GRM1: variants seen among roughly 807,000 people sequenced by gnomAD.
GRM1 encodes the protein metabotropic glutamate receptor 1.
In GRM1, 33 loss-of-function variants were observed where a neutral mutation model predicts 90.9. The observed-to-expected ratio is 0.36, with a 90% CI of 0.28 to 0.49. The LOEUF (loss-of-function observed/expected upper bound fraction) is 0.49, where lower values mean the gene tolerates loss of function less well. GRM1 is among the 20% of genes least tolerant of loss of function. The pLI is 0.99. For missense variants in GRM1, 1,190 were observed against 1,534.3 expected, an observed-to-expected ratio of 0.78 and a Z score of 3.75; for synonymous variants, 700 against 613.2, an observed-to-expected ratio of 1.14 and a Z score of -2.09.
chr6:146,270,896 TCTTTCTTTCTTTCTTTCTTCCTTC>T (rs1214955774), intron 2 of GRM1, among the ~76,000 whole-genome samples: 88 of 113,714 alleles, frequency 7.7e-4, no homozygotes, highest in Non-Finnish European at 1.2e-3. Context: ...TTTCTTTCTT[TCTTTCTTTCTTTCTTTCTTCCTTC>T]CTTCCTTCCT....
intron 2 of GRM1, among the ~76,000 whole-genome samples, chr6:146,233,566 T>C (rs530048535): frequency 2.6e-4 from 39 of 152,158 alleles, no homozygotes; most frequent in Non-Finnish European, 4.9e-4. Context: ...TCATGAGTTA[T>C]TTAAAAGGGT....
chr6:146,164,350 C>T (rs1777837105), intron 2 of GRM1, among the ~76,000 whole-genome samples: 1 of 152,042 alleles, frequency 6.6e-6, no homozygotes, highest in African/African-American at 2.4e-5. Context: ...GAATTGTAAC[C>T]TCCTCAACTG....
intron 3 of GRM1, among the ~76,000 whole-genome samples, chr6:146,326,429 G>A (rs1166474752): frequency 6.6e-6 from 1 of 152,074 alleles, no homozygotes; most frequent in Non-Finnish European, 1.5e-5. Context: ...ACACACACTG[G>A]GAACTTTTGA....
chr6:146,144,638 G>A (rs1288040133), intron 1 of GRM1, among the ~76,000 whole-genome samples: 1 of 152,174 alleles, frequency 6.6e-6, no homozygotes, highest in East Asian at 1.9e-4. Flanking sequence ...CAGAAAATTG[G>A]CACCAGGAGT....
intron 2 of GRM1, among the ~76,000 whole-genome samples, chr6:146,251,678 A>G (rs1018929908): frequency 8.5e-5 from 13 of 152,172 alleles, no homozygotes; most frequent in African/African-American, 2.9e-4. Context: ...CGCACGGATA[A>G]GGGCAGATTT....
rs575000542 is a variant in GRM1 at position 146,264,592 on chromosome 6, A to G, written c.951-40019A>G. On this transcript the variant is annotated intron_variant, in intron 2 of 7. Transcript: ENST00000282753. ...ATGTGTAGGTTTGTTACATGAACAT[A>G]TTGCATAATGGTGAGATTTGGACTT... Among the ~76,000 whole-genome samples, 12 of 151,998 alleles carry G rather than the reference A, an allele frequency of 7.9e-5. No individual in the cohort carries two copies. The East Asian group carries it at 2.3e-3, about 29-fold the overall frequency.
chr6:146,262,631 G>A (rs1781743752), intron 2 of GRM1, among the ~76,000 whole-genome samples: 1 of 151,726 alleles, frequency 6.6e-6, no homozygotes, highest in Non-Finnish European at 1.5e-5. Flanking sequence ...TATTTTCTCT[G>A]TGTATGTGTA....
intron 7 of GRM1, among the ~76,000 whole-genome samples, chr6:146,408,161 A>C (rs184609224): frequency 3.3e-4 from 50 of 152,172 alleles, no homozygotes; most frequent in Non-Finnish European, 6.9e-4. Context: ...CAGAGGAGGG[A>C]GGAAGCAAGC....
intron 2 of GRM1, among the ~76,000 whole-genome samples, chr6:146,287,261 C>A (rs1301217128): frequency 6.6e-6 from 1 of 152,150 alleles, no homozygotes; most frequent in African/African-American, 2.4e-5. Flanking sequence ...GGCAACCTTC[C>A]TGTCTTATTC....
intron 5 of GRM1, among the ~76,000 whole-genome samples, chr6:146,381,179 G>C (rs944056309): frequency 2.0e-5 from 3 of 152,168 alleles, no homozygotes; most frequent in Admixed American, 2.0e-4. Flanking sequence ...TCTGGGCCTA[G>C]TTCAGCCCTA....
intron 7 of GRM1, among the ~76,000 whole-genome samples, chr6:146,422,760 G>T (rs1208455752): frequency 6.6e-6 from 1 of 152,120 alleles, no homozygotes; most frequent in East Asian, 1.9e-4. Flanking sequence ...AAATATTAAA[G>T]CAAAGTCATA....
chr6:146,246,886 T>C (rs377371071), intron 2 of GRM1, among the ~76,000 whole-genome samples: 3 of 152,330 alleles, frequency 2.0e-5, no homozygotes, highest in Admixed American at 2.0e-4. Flanking sequence ...ATATACATTG[T>C]AGTTTGATGA....
chr6:146,095,699 G>A (rs1461539067), intron 1 of GRM1, among the ~76,000 whole-genome samples: 2 of 152,066 alleles, frequency 1.3e-5, no homozygotes, highest in Admixed American at 6.6e-5. Flanking sequence ...GCCCAGGGTA[G>A]GTTTCAATAA....
intron 1 of GRM1, among the ~76,000 whole-genome samples, chr6:146,042,265 C>A (rs1286570605): frequency 2.0e-5 from 3 of 151,968 alleles, no homozygotes; most frequent in Admixed American, 6.6e-5. Flanking sequence ...GTTTATAAAT[C>A]AATTGGAAGG....
intron 2 of GRM1, among the ~76,000 whole-genome samples, chr6:146,197,421 C>T (rs1408003528): frequency 6.6e-6 from 1 of 152,164 alleles, no homozygotes; most frequent in African/African-American, 2.4e-5. Context: ...GACTTATGGT[C>T]CTTGGAGCAG....
intron 1 of GRM1, among the ~76,000 whole-genome samples, chr6:146,155,672 G>T (rs1464202995): frequency 1.3e-5 from 2 of 152,158 alleles, no homozygotes; most frequent in Non-Finnish European, 2.9e-5. Flanking sequence ...CTTTTCAGGT[G>T]ATGGAAATAG....
At chr6:146,103,533 A>G (rs912323692) in intron 1 of GRM1, among the ~76,000 whole-genome samples, 5 of 151,884 alleles carry the variant, frequency 3.3e-5, no homozygotes, top group African/African-American at 4.8e-5. Context: ...CTTTCTTTCC[A>G]TTTCCTTCCA....
chr6:146,281,031 T>C (rs2114854007), intron 2 of GRM1, among the ~76,000 whole-genome samples: 1 of 152,316 alleles, frequency 6.6e-6, no homozygotes, highest in East Asian at 1.9e-4. Flanking sequence ...TTTTTGTTTA[T>C]AGGTAACTTA....
chr6:146,262,558 A>T (rs1309041924), intron 2 of GRM1, among the ~76,000 whole-genome samples: 1 of 152,022 alleles, frequency 6.6e-6, no homozygotes, highest in Admixed American at 6.5e-5. Context: ...CATCATAAAC[A>T]AAATGTTTTA....
Sources: allele counts gnomAD v4.1 joint callset (sites outside exome capture counted in the v4.1 genomes callset), GRCh38; gene constraint gnomAD v4.1.1; transcripts MANE v1.5; gene names NCBI Gene and HGNC (gene_info 2026-07-23, HGNC 2026-07-21).